Variants in ATAD2 observed in about 807,000 individuals in gnomAD.
The protein encoded by ATAD2 is ATPase family AAA domain containing 2.
In ATAD2, 62 loss-of-function variants were observed where a neutral mutation model predicts 168.9. The ratio of observed to expected loss-of-function variants is 0.37; its 90% CI spans 0.30 to 0.45. The LOEUF (loss-of-function observed/expected upper bound fraction) is 0.45, where lower values mean the gene tolerates loss of function less well. Among genes scored for constraint, ATAD2 ranks in the 20% least tolerant of loss-of-function variants. The probability of loss-of-function intolerance (pLI) is 1.00; values close to 1 mark genes in which losing one functional copy is unlikely to be tolerated. For synonymous variants in ATAD2, 613 were observed against 571.6 expected (o/e 1.07, Z -1.03); for missense variants, 1,419 against 1,667.8 (o/e 0.85, Z 2.60).
At chr8:123,389,980 ATATATTTTTT>A (rs1415715426) in intron 1 of ATAD2, among the ~76,000 whole-genome samples, 117 of 110,780 alleles carry the variant, frequency 1.1e-3, no homozygotes, top group African/African-American at 5.5e-3. Context: ...ATATATATAT[ATATATTTTTT>A]TTTTTTTAGA....
At chr8:123,391,057 T>G (rs1829813480) in intron 1 of ATAD2, among the ~76,000 whole-genome samples, 1 of 150,502 alleles carries the variant, frequency 6.6e-6, no homozygotes, top group South Asian at 2.1e-4. Flanking sequence ...TGTACGATCA[T>G]CATCAATTTA....
chr8:123,409,148 T>C (rs1266817164), intron 1 of ATAD2, among the ~76,000 whole-genome samples: 2 of 152,114 alleles, frequency 1.3e-5, no homozygotes, highest in Non-Finnish European at 2.9e-5. Context: ...AATGTGGTTT[T>C]CAGGCCTTAC....
chr8:123,322,808 G>C, intron 27 of ATAD2, 130 bp downstream of exon 27: 1 of 936,702 alleles, frequency 1.1e-6, no homozygotes, highest in Admixed American at 2.9e-5. Context: ...TTTGGAAATA[G>C]AAAGATGGTC....
At chr8:123,398,521 G>A (rs1019820364), upstream of ATAD2, among the ~76,000 whole-genome samples, 2 of 151,062 alleles carry the variant, frequency 1.3e-5, no homozygotes, top group African/African-American at 2.4e-5. Flanking sequence ...GTGAGCTACC[G>A]TCCCCAGGAA....
At chr8:123,388,277 C>T (rs1476492390) in intron 1 of ATAD2, among the ~76,000 whole-genome samples, 1 of 152,166 alleles carries the variant, frequency 6.6e-6, no homozygotes, top group African/African-American at 2.4e-5. Context: ...CTCACTGCAG[C>T]CTCAACTTCC....
intron 8 of ATAD2, among the ~76,000 whole-genome samples, chr8:123,361,891 CAGG>C (rs879481675): frequency 2.6e-5 from 4 of 152,112 alleles, no homozygotes; most frequent in Non-Finnish European, 5.9e-5. Context: ...TTCATGGAGA[CAGG>C]AGAAGGCAGG....
chr8:123,401,268 C>A (rs1586912810), upstream of ATAD2: 1 of 1,025,184 alleles, frequency 9.8e-7, no homozygotes, highest in South Asian at 1.3e-5. Context: ...AGAACCGAGA[C>A]TACCCTGTGG....
At chr8:123,325,833 G>C in intron 26 of ATAD2, 60 bp downstream of exon 26, 1 of 1,577,512 alleles carries the variant, frequency 6.3e-7, no homozygotes. Flanking sequence ...CTAGTCACAA[G>C]CCAGTGTTTG....
At chr8:123,415,618 G>A (rs1004869736) in intron 1 of ATAD2, among the ~76,000 whole-genome samples, 1 of 150,884 alleles carries the variant, frequency 6.6e-6, no homozygotes, top group Non-Finnish European at 1.5e-5. Context: ...TTTTTGAGAC[G>A]GAGTCTCACC....
chr8:123,340,260 C>T (rs1471520806), intron 19 of ATAD2, among the ~76,000 whole-genome samples: 1 of 152,016 alleles, frequency 6.6e-6, no homozygotes, highest in African/African-American at 2.4e-5. Context: ...TAAGAAAGAG[C>T]AACTGTTCAA....
chr8:123,396,933 CT>C (rs113590434), upstream of ATAD2, among the ~76,000 whole-genome samples: 265 of 146,630 alleles, frequency 1.8e-3, 1 homozygote, highest in South Asian at 6.4e-3. Context: ...GCCTTAAGAA[CT>C]TTTTTTTTTT....
At chr8:123,325,099 C>CTTT (rs761145398) in intron 26 of ATAD2, among the ~76,000 whole-genome samples, 11 of 115,010 alleles carry the variant, frequency 9.6e-5, no homozygotes, top group South Asian at 2.8e-4. Flanking sequence ...AGTAATAATT[C>CTTT]TTTTTTTTTT....
upstream of ATAD2, chr8:123,401,317 G>A (rs1812995902): frequency 3.0e-6 from 4 of 1,350,530 alleles, no homozygotes; most frequent in Admixed American, 3.4e-5. Context: ...GTGTGGGGCA[G>A]CTGTGGGCAC....
rs1374742079 is a variant in ATAD2 at position 123,321,125 on chromosome 8, A to G, written c.*9T>C. On this transcript the variant is annotated 3_prime_UTR_variant, in exon 28 of 28. Transcript: ENST00000287394. ...CTGAATATAAAGAATACTCGATACC[A>G]TGACATCATCATCTGGAACAACTGA... 2 of 1,608,388 alleles carry G rather than the reference A, an allele frequency of 1.2e-6. No individual in the cohort carries two copies. The highest frequency in any genetic ancestry group is 1.7e-6 in the Non-Finnish European group (2 of 1,178,296).
intron 20 of ATAD2, among the ~76,000 whole-genome samples, chr8:123,338,549 A>T (rs73705906): frequency 0.04 from 6,078 of 152,230 alleles, 405 homozygotes; most frequent in African/African-American, 0.14. Flanking sequence ...AGGATGAAAA[A>T]AAGGATTATT....
At chr8:123,371,882 A>T in intron 3 of ATAD2, 47 bp from the exon 4 acceptor site, 1 of 1,414,092 alleles carries the variant, frequency 7.1e-7, no homozygotes, top group Non-Finnish European at 9.4e-7. Context: ...TTGAAATAAT[A>T]GTATTTATAA....
At chr8:123,404,557 TTC>T (rs144620389) in intron 1 of ATAD2, among the ~76,000 whole-genome samples, 2 of 151,406 alleles carry the variant, frequency 1.3e-5, no homozygotes, top group Non-Finnish European at 2.9e-5. Flanking sequence ...TCTCCCCACT[TTC>T]TCTCTCTTTT....
At chr8:123,386,421 C>T (rs1319865211) in intron 1 of ATAD2, among the ~76,000 whole-genome samples, 1 of 152,038 alleles carries the variant, frequency 6.6e-6, no homozygotes, top group East Asian at 1.9e-4. Flanking sequence ...TCATAAAAGA[C>T]AAATATGATT....
At chr8:123,386,016 C>A (rs556311308) in intron 1 of ATAD2, among the ~76,000 whole-genome samples, 5 of 146,514 alleles carry the variant, frequency 3.4e-5, no homozygotes, top group South Asian at 4.3e-4. Flanking sequence ...AGGATGGCTA[C>A]TCACAAAAAA....
Sources: gnomAD v4.1 joint callset for allele counts (sites outside exome capture counted in the v4.1 genomes callset) on GRCh38, gnomAD v4.1.1 for gene constraint, MANE v1.5 for transcripts, NCBI Gene and HGNC (gene_info 2026-07-23, HGNC 2026-07-21) for gene names.